The following TACO1 variants were observed in gnomAD, a reference collection of about 807,000 sequenced individuals.
TACO1 encodes translational activator of cytochrome c oxidase I, also known as translational activator of cytochrome c oxidase 1.
A neutral mutation model predicts 24.0 loss-of-function variants in TACO1; 13 were observed. The ratio of observed to expected loss-of-function variants is 0.54; its 90% CI spans 0.35 to 0.86. The LOEUF is 0.86. TACO1 is among the 40% of genes least tolerant of loss of function. The pLI is 0.01. For synonymous variants in TACO1, 149 were observed against 153.5 expected (o/e 0.97, Z 0.22); for missense variants, 352 against 380.1 (o/e 0.93, Z 0.61).
rs1598046292 is a variant in TACO1, at chr17:63,608,064, G to A, written c.*62G>A. On this transcript the variant is annotated 3_prime_UTR_variant, in exon 5 of 5. Transcript: ENST00000258975. ...TGTGGCAGCCCATTCCAGCACACAGGCTTCTGCAGCAATCTCTGAGGGTAA... is the reference window on the plus strand; with the variant it reads ...TGTGGCAGCCCATTCCAGCACACAGACTTCTGCAGCAATCTCTGAGGGTAA... 6.4e-7 allele frequency: 1 copy of A among 1,572,682 alleles called. No homozygotes were observed. The highest frequency in any genetic ancestry group is 8.7e-7 in the Non-Finnish European group (1 of 1,148,658).
At chr17:63,602,351 C>G (rs1282335280) in intron 1 of TACO1, among the ~76,000 whole-genome samples, 1 of 151,458 alleles carries the variant, frequency 6.6e-6, no homozygotes, top group South Asian at 2.1e-4. Flanking sequence ...GAACAAGTAG[C>G]TTAACTTGAG....
Position 63,607,461 on chromosome 17 carries a change from T to A in TACO1, c.690T>A (p.Phe230Leu), listed in dbSNP as rs1488911526. The A allele has an allele frequency of 6.2e-7, 1 of 1,614,148 alleles. No homozygotes were observed. The highest frequency in any genetic ancestry group is 8.5e-7 in the Non-Finnish European group (1 of 1,180,014). The change falls in exon 4 of 5, where the codon TTT becomes TTA. Residue 230 changes from phenylalanine (F) to leucine (L), a missense_variant. By Grantham distance (22) the Phe-to-Leu change is conservative. Coordinates refer to ENST00000258975, the MANE Select transcript of TACO1 (RefSeq NM_016360.4). ...AAGATGAAGAAGAAAGGAACGTTTT[T>A]AAAGTAAGCATGAAAACATGGGTGT... ...ETEDEEERNV[F>L]KFICDASSLH...
At chr17:63,604,417 G>A (rs2033846743) in intron 1 of TACO1, 117 bp from the exon 2 acceptor site, 4 of 830,362 alleles carry the variant, frequency 4.8e-6, no homozygotes, top group South Asian at 1.4e-5. Flanking sequence ...GTAACTGAGA[G>A]CTAAATGGTG....
At position 63,601,328 on chromosome 17, in the gene TACO1, C is replaced by T; in HGVS notation, c.245C>T (p.Ser82Phe). ...GACGTCGAAAGGAGTCGCATCTTCT[C>T]CAAACTCTGTTTGAACATCCGCCTG... ...PKDVERSRIFSKLCLNIRLAV... is the reference protein window; with the variant it reads ...PKDVERSRIFFKLCLNIRLAV... The change falls in exon 1 of 5, where the codon TCC becomes TTC. Residue 82 changes from serine to phenylalanine, a missense_variant. Coordinates refer to ENST00000258975, the MANE Select transcript of TACO1 (RefSeq NM_016360.4). 1 of 1,613,132 alleles carries T rather than the reference C, an allele frequency of 6.2e-7. No homozygotes were observed. The highest frequency in any genetic ancestry group is 8.5e-7 in the Non-Finnish European group (1 of 1,179,990).
Position 63,607,270 on chromosome 17 carries a change from G to A in TACO1, c.516-17G>A, listed in dbSNP as rs369072716. On this transcript the variant is annotated splice_polypyrimidine_tract_variant and intron_variant, in intron 3 of 4. Transcript: ENST00000258975. The stretch of plus-strand genomic sequence containing the variant: ...TAGAGGCATCCACTCATGCCAGCCT[G>A]TTTCCTTCCCTGTCAGAGGAGTGAT... The A allele has an allele frequency of 1.2e-6, 2 of 1,612,748 alleles. No individual in the cohort carries two copies. The highest frequency in any genetic ancestry group is 1.7e-5 in the Admixed American group (1 of 59,980).
chr17:63,607,949 C>T lies in TACO1; in HGVS notation c.841C>T (p.Gln281Ter). The T allele has an allele frequency of 6.2e-7, 1 of 1,614,210 alleles. No homozygotes were observed. The highest frequency in any genetic ancestry group is 8.5e-7 in the Non-Finnish European group (1 of 1,180,042). ...CCTGGAACAGGCCGCACATCTCATT[C>T]AGGCTCTCAGCAACCACGAGGATGT... Reference protein sequence around the residue: ...PDLEQAAHLIQALSNHEDVIH... With the variant: ...PDLEQAAHLI Residue 281 changes from glutamine (Q) to a stop codon, truncating the protein, a stop_gained, in exon 5 of 5, where the codon CAG becomes TAG. Coordinates refer to ENST00000258975, the MANE Select transcript of TACO1 (RefSeq NM_016360.4). LOFTEE classifies it high-confidence loss of function.
rs2033814893 is a variant in TACO1 at position 63,600,948 on chromosome 17, G to A, written c.-136G>A. On this transcript the variant is annotated 5_prime_UTR_variant, in exon 1 of 5. Transcript: ENST00000258975. ...GGTCATTAGCTGTTGAGCCGCCCCG[G>A]GCGGGCCCAAGCCTTTGGATCTCAG... 1 of 1,037,548 alleles carries A rather than the reference G, an allele frequency of 9.6e-7. No homozygotes were observed. The highest frequency in any genetic ancestry group is 1.4e-6 in the Non-Finnish European group (1 of 713,056). 64.3% of individuals were successfully genotyped at this position (1,037,548 alleles called of 1,614,324 possible). A position where few individuals can be genotyped will look rare whatever the true frequency, so the allele number is the denominator to read the frequency against.
intron 2 of TACO1, among the ~76,000 whole-genome samples, chr17:63,604,954 C>T (rs991822652): frequency 1.1e-4 from 16 of 150,446 alleles, no homozygotes; most frequent in African/African-American, 3.7e-4. Flanking sequence ...GTAGAGATTG[C>T]GGTGAGCCGA....
rs866301962 is a variant in TACO1, at chr17:63,601,298, C to T, written c.215C>T (p.Pro72Leu). ...KWSKVRHIKG[P>L]KDVERSRIFS... is the part of the protein sequence containing the mutation. ...TCCAAAGTCAGGCACATCAAGGGTC[C>T]GAAGGACGTCGAAAGGAGTCGCATC... The change falls in exon 1 of 5, where the codon CCG (proline) becomes CTG (leucine). Residue 72 changes from proline to leucine, a missense_variant. Transcript: ENST00000258975. 1 of 1,612,974 alleles carries T rather than the reference C, an allele frequency of 6.2e-7. No individual in the cohort carries two copies.
In TACO1 at chr17:63,604,292, C is replaced by T. The variant is rs1025876546; in HGVS notation, c.281-242C>T. On this transcript the variant is annotated intron_variant, in intron 1 of 4. Coordinates refer to ENST00000258975, the MANE Select transcript of TACO1 (RefSeq NM_016360.4). ...GGTGGATGTTGCAGTGAGCCAAGAT[C>T]GTGCCACTGCACTCCAGCCAGCAAC... Among the ~76,000 whole-genome samples, 6 of 152,222 alleles carry T rather than the reference C, an allele frequency of 3.9e-5. No individual in the cohort carries two copies. The East Asian group carries it at 9.7e-4, about 25-fold the overall frequency.
In TACO1 at chr17:63,608,025, T is replaced by C. The variant is rs1387009663; in HGVS notation, c.*23T>C. On this transcript the variant is annotated 3_prime_UTR_variant, in exon 5 of 5. Coordinates refer to ENST00000258975, the MANE Select transcript of TACO1 (RefSeq NM_016360.4). ...TAACCAGGCTACATGTGCCCCCGGGTTCCTTCCTAGAAATGTGGCAGCCCA... is the reference window on the plus strand; with the variant it reads ...TAACCAGGCTACATGTGCCCCCGGGCTCCTTCCTAGAAATGTGGCAGCCCA... The C allele has an allele frequency of 6.4e-7, 1 of 1,571,414 alleles. No homozygotes were observed. The highest frequency in any genetic ancestry group is 1.7e-5 in the Admixed American group (1 of 59,880).
rs2033817036 is a variant in TACO1, at chr17:63,601,148, C to A, written c.65C>A (p.Pro22His). 6.5e-7 allele frequency: 1 copy of A among 1,544,096 alleles called. No homozygotes were observed. Among genetic ancestry groups the A allele is most frequent in the East Asian group, 2.4e-5 (1 of 40,826 alleles). The change falls in exon 1 of 5, where the codon CCC becomes CAC. Residue 22 changes from proline to histidine, a missense_variant. Coordinates refer to ENST00000258975, the MANE Select transcript of TACO1 (RefSeq NM_016360.4). Reference protein sequence around the residue: ...AAARCLLARGPGVRAAPPRDP... With the variant: ...AAARCLLARGHGVRAAPPRDP... ...GCCCGATGCTTGCTGGCACGAGGCC[C>A]CGGGGTCAGGGCGGCTCCTCCGCGC...
intron 1 of TACO1, among the ~76,000 whole-genome samples, chr17:63,603,837 G>A (rs1448683488): frequency 2.6e-5 from 4 of 151,870 alleles, no homozygotes; most frequent in Non-Finnish European, 5.9e-5. Flanking sequence ...GCGACATGGT[G>A]AAAACCTGAA....
In TACO1 at chr17:63,603,318, A is replaced by G. The variant is rs1310557421; in HGVS notation, c.281-1216A>G. Among the ~76,000 whole-genome samples, 4 of 152,316 alleles carry G rather than the reference A, an allele frequency of 2.6e-5. 1 individual carries two copies. Among genetic ancestry groups the G allele is most frequent in the Admixed American group, 2.6e-4 (4 of 15,298 alleles). Reference sequence around the variant, plus strand: ...GAGTAAGAGCAGTAATGAGTCCAGGAAGTGTTGTTACCATCTATAACCCTT... The same window carrying G: ...GAGTAAGAGCAGTAATGAGTCCAGGGAGTGTTGTTACCATCTATAACCCTT... On this transcript the variant is annotated intron_variant, in intron 1 of 4. Transcript: ENST00000258975.
Position 63,601,258 on chromosome 17 carries a change from G to A in TACO1, c.175G>A (p.Gly59Arg), listed in dbSNP as rs2033818595. 6.2e-7 allele frequency: 1 copy of A among 1,610,928 alleles called. No homozygotes were observed. The highest frequency in any genetic ancestry group is 1.1e-5 in the South Asian group (1 of 90,606). ...GCACTTTACCGCGGCTGTCCCCGCC[G>A]GGCACAACAAGTGGTCCAAAGTCAG... ...TLHFTAAVPAGHNKWSKVRHI... is the reference protein window; with the variant it reads ...TLHFTAAVPARHNKWSKVRHI... Residue 59 changes from glycine to arginine, a missense_variant, in exon 1 of 5, where the codon GGG (glycine) becomes AGG (arginine). Transcript: ENST00000258975.
intron 3 of TACO1, 25 bp from the exon 4 acceptor site, chr17:63,607,262 G>A: frequency 1.2e-6 from 2 of 1,611,236 alleles, no homozygotes; most frequent in Non-Finnish European, 1.7e-6. Context: ...ATCCACTCAT[G>A]CCAGCCTGTT....
Position 63,607,268 on chromosome 17 carries a change from C to T in TACO1, c.516-19C>T, listed in dbSNP as rs768699366. 3.1e-6 allele frequency: 5 copies of T among 1,612,338 alleles called. No homozygotes were observed. The African/African-American group carries it at 6.7e-5, about 22-fold the overall frequency. ...TCTAGAGGCATCCACTCATGCCAGCCTGTTTCCTTCCCTGTCAGAGGAGTG... is the reference window on the plus strand; with the variant it reads ...TCTAGAGGCATCCACTCATGCCAGCTTGTTTCCTTCCCTGTCAGAGGAGTG... On this transcript the variant is annotated intron_variant, in intron 3 of 4. Transcript: ENST00000258975.
chr17:63,601,182 G>T lies in TACO1; in HGVS notation c.99G>T (p.Arg33=), dbSNP rs1195907944. ...GVRAAPPRDP[R]PSHPEPRGCG... ...GGGCGGCTCCTCCGCGCGACCCCCG[G>T]CCCTCCCACCCCGAGCCCCGGGGCT... is the stretch of plus-strand genomic sequence containing the variant. Residue 33 remains arginine (R), a synonymous_variant, in exon 1 of 5, where the codon CGG becomes CGT. Coordinates refer to ENST00000258975, the MANE Select transcript of TACO1 (RefSeq NM_016360.4). 3 of 1,551,852 alleles carry T rather than the reference G, an allele frequency of 1.9e-6. No homozygotes were observed. In the African/African-American group the frequency reaches 4.1e-5, roughly 21 times the overall value.
rs747011832 is a variant in TACO1, at chr17:63,607,259, C to T, written c.516-28C>T. On this transcript the variant is annotated intron_variant, in intron 3 of 4. Transcript: ENST00000258975. ...GGCTGAGCTTCTAGAGGCATCCACT[C>T]ATGCCAGCCTGTTTCCTTCCCTGTC... is the stretch of plus-strand genomic sequence containing the variant. 5 of 1,605,564 alleles carry T rather than the reference C, an allele frequency of 3.1e-6. No homozygotes were observed. In the South Asian group the frequency reaches 5.5e-5, roughly 18 times the overall value.
Sources: gnomAD v4.1 joint callset for allele counts (sites outside exome capture counted in the v4.1 genomes callset) on GRCh38, gnomAD v4.1.1 for gene constraint, MANE v1.5 for transcripts, NCBI Gene and HGNC (gene_info 2026-07-23, HGNC 2026-07-21) for gene names.